The following GMDS variants were observed in gnomAD, a reference collection of about 807,000 sequenced individuals.
GMDS encodes the protein GDP-mannose 4,6-dehydratase.
A neutral mutation model predicts 49.9 loss-of-function variants in GMDS; 20 were observed. The observed-to-expected ratio is 0.40, with a 90% CI of 0.28 to 0.58. The LOEUF (loss-of-function observed/expected upper bound fraction) is 0.58, where lower values mean the gene tolerates loss of function less well. Among genes scored for constraint, GMDS ranks in the 20% least tolerant of loss-of-function variants. The probability of loss-of-function intolerance (pLI) is 0.42; values close to 1 mark genes in which losing one functional copy is unlikely to be tolerated. For missense variants in GMDS, 362 were observed against 481.4 expected (o/e 0.75, Z 2.32); for synonymous variants, 177 against 178.6 (o/e 0.99, Z 0.07).
At chr6:1,902,447 A>G (rs1244047235) in intron 7 of GMDS, among the ~76,000 whole-genome samples, 1 of 152,134 alleles carries the variant, frequency 6.6e-6, no homozygotes, top group Non-Finnish European at 1.5e-5. Flanking sequence ...TCCTAGAGGA[A>G]AGGCCTTAAA....
intron 1 of GMDS, among the ~76,000 whole-genome samples, chr6:2,228,634 C>CCAA (rs1780929656): frequency 2.6e-5 from 4 of 152,204 alleles, no homozygotes; most frequent in Non-Finnish European, 4.4e-5. Context: ...GCTATTTAAA[C>CCAA]TTGGAGTCCA....
intron 9 of GMDS, among the ~76,000 whole-genome samples, chr6:1,710,992 A>C (rs944831980): frequency 6.6e-6 from 1 of 152,172 alleles, no homozygotes; most frequent in African/African-American, 2.4e-5. Context: ...CCAAGCAAAA[A>C]CTTGGGGCTG....
At chr6:1,927,145 G>C (rs1762051002) in intron 7 of GMDS, among the ~76,000 whole-genome samples, 4 of 149,120 alleles carry the variant, frequency 2.7e-5, no homozygotes, top group African/African-American at 7.4e-5. Context: ...GCGTGTTGAT[G>C]TATTTTTATT....
At chr6:1,672,352 T>A (rs971234037) in intron 9 of GMDS, among the ~76,000 whole-genome samples, 1 of 152,292 alleles carries the variant, frequency 6.6e-6, no homozygotes, top group African/African-American at 2.4e-5. Context: ...TAGAAGGCTG[T>A]CCACAAGCCG....
At chr6:1,736,413 CT>C (rs766026275) in intron 8 of GMDS, among the ~76,000 whole-genome samples, 3 of 152,136 alleles carry the variant, frequency 2.0e-5, no homozygotes, top group Non-Finnish European at 2.9e-5. Context: ...AAAGTCCAAC[CT>C]CTTTATGATG....
chr6:1,906,036 C>CA (rs1312205801), intron 7 of GMDS, among the ~76,000 whole-genome samples: 1 of 151,424 alleles, frequency 6.6e-6, no homozygotes, highest in Non-Finnish European at 1.5e-5. Flanking sequence ...ACAGCTGTTC[C>CA]AAAAAACGAT....
At chr6:1,798,222 ACTT>A (rs1255941631) in intron 7 of GMDS, among the ~76,000 whole-genome samples, 1 of 146,158 alleles carries the variant, frequency 6.8e-6, no homozygotes, top group African/African-American at 2.6e-5. Context: ...GTATAAATTT[ACTT>A]CTAATTACAG....
chr6:2,000,010 T>TTTATATATATATTATATATATATA (rs1561962120), intron 4 of GMDS, among the ~76,000 whole-genome samples: 1 of 6,568 alleles, frequency 1.5e-4, no homozygotes, highest in South Asian at 7.8e-3. Context: ...ATATATATAT[T>TTTATATATATATTATATATATATA]TTTTATATAT....
At chr6:1,824,258 T>G (rs1771014689) in intron 7 of GMDS, among the ~76,000 whole-genome samples, 1 of 152,178 alleles carries the variant, frequency 6.6e-6, no homozygotes, top group Non-Finnish European at 1.5e-5. Context: ...GCTGCAATTC[T>G]TGTCACATTC....
intron 7 of GMDS, among the ~76,000 whole-genome samples, chr6:1,747,432 G>T (rs1006909350): frequency 6.7e-5 from 10 of 148,588 alleles, no homozygotes; most frequent in Non-Finnish European, 7.4e-5. Flanking sequence ...TGTGCTTTAC[G>T]TGCTACTGTC....
chr6:1,756,970 G>C lies in GMDS; in HGVS notation c.772-14384C>G, dbSNP rs906534994. 5.3e-5 allele frequency among the ~76,000 whole-genome samples: 8 copies of C among 152,272 alleles called. No homozygotes were observed. In the East Asian group the frequency reaches 9.7e-4, roughly 18 times the overall value. On this transcript the variant is annotated intron_variant, in intron 7 of 10. Coordinates refer to ENST00000380815, the MANE Select transcript of GMDS (RefSeq NM_001500.4). ...GACTCTCCCCCTTATGGGAGGGGTG[G>C]TAGAGTCACACTGCAAAAGGACACG...
intron 7 of GMDS, among the ~76,000 whole-genome samples, chr6:1,790,774 A>G (rs1163306118): frequency 6.6e-6 from 1 of 152,234 alleles, no homozygotes; most frequent in Non-Finnish European, 1.5e-5. Flanking sequence ...CAATCGTGAT[A>G]CTTAGGGATT....
At chr6:1,987,472 C>A (rs1053801937) in intron 4 of GMDS, among the ~76,000 whole-genome samples, 1 of 152,106 alleles carries the variant, frequency 6.6e-6, no homozygotes, top group Non-Finnish European at 1.5e-5. Context: ...GTTCATTCAA[C>A]AAATATTTAT....
At chr6:1,686,862 A>G (rs1764995060) in intron 9 of GMDS, among the ~76,000 whole-genome samples, 1 of 152,230 alleles carries the variant, frequency 6.6e-6, no homozygotes, top group South Asian at 2.1e-4. Context: ...CTAATGTGTT[A>G]TCCTTGGAGG....
intron 7 of GMDS, among the ~76,000 whole-genome samples, chr6:1,898,753 C>G (rs2113854996): frequency 6.6e-6 from 1 of 152,324 alleles, no homozygotes; most frequent in South Asian, 2.1e-4. Flanking sequence ...GGAGATGACA[C>G]TCTAAAGGAA....
intron 4 of GMDS, among the ~76,000 whole-genome samples, chr6:2,060,813 A>C (rs1394255669): frequency 1.3e-5 from 2 of 151,986 alleles, no homozygotes; most frequent in African/African-American, 4.8e-5. Context: ...GTGGATCACG[A>C]GATCAAGAAC....
chr6:1,652,710 A>AT (rs1554104259), intron 9 of GMDS, among the ~76,000 whole-genome samples: 2 of 44,474 alleles, frequency 4.5e-5, no homozygotes, highest in African/African-American at 1.8e-4. Flanking sequence ...ATATATATAT[A>AT]TATATATATA....
chr6:2,067,077 G>T (rs1181416978), intron 4 of GMDS, among the ~76,000 whole-genome samples: 2 of 151,574 alleles, frequency 1.3e-5, no homozygotes, highest in African/African-American at 4.8e-5. Context: ...TCAGACCACA[G>T]TGCAATCAAA....
intron 7 of GMDS, among the ~76,000 whole-genome samples, chr6:1,827,997 T>A (rs552447055): frequency 6.6e-6 from 1 of 152,112 alleles, no homozygotes; most frequent in South Asian, 2.1e-4. Flanking sequence ...ACTTACCAGA[T>A]AAATAACTAT....
Sources: gnomAD v4.1 joint callset for allele counts (sites outside exome capture counted in the v4.1 genomes callset) on GRCh38, gnomAD v4.1.1 for gene constraint, MANE v1.5 for transcripts, NCBI Gene and HGNC (gene_info 2026-07-23, HGNC 2026-07-21) for gene names.